Variants in GOLGA7B observed in about 807,000 individuals in gnomAD.
GOLGA7B encodes the protein golgin subfamily A member 7B.
GOLGA7B carries 17 observed loss-of-function variants against 21.5 expected under a neutral mutation model. The observed-to-expected ratio is 0.79, with a 90% CI of 0.54 to 1.19. The LOEUF is 1.19. Ranked by LOEUF, GOLGA7B falls within the 50% of genes most tolerant of loss-of-function variation. GOLGA7B has a pLI of 0.00. For missense variants in GOLGA7B, 169 were observed against 224.4 expected (o/e 0.75, Z 1.58); for synonymous variants, 87 against 84.0 (o/e 1.04, Z -0.19).
At chr10:97,863,083 C>T (rs951048193) in intron 2 of GOLGA7B, among the ~76,000 whole-genome samples, 41 of 152,134 alleles carry the variant, frequency 2.7e-4, no homozygotes, top group African/African-American at 8.9e-4. Flanking sequence ...AGCTCTTGAT[C>T]ACAGCTGTGA....
At chr10:97,857,344 T>C (rs1345515845) in intron 1 of GOLGA7B, among the ~76,000 whole-genome samples, 2 of 144,412 alleles carry the variant, frequency 1.4e-5, no homozygotes, top group South Asian at 2.2e-4. Context: ...CCTTTCCCCA[T>C]CCCATTTACA....
chr10:97,864,073 C>G lies in GOLGA7B; in HGVS notation c.282C>G (p.His94Gln). 6.2e-7 allele frequency: 1 copy of G among 1,614,008 alleles called. No individual in the cohort carries two copies. The highest frequency in any genetic ancestry group is 8.5e-7 in the Non-Finnish European group (1 of 1,179,872). Residue 94 changes from histidine (H) to glutamine (Q), a missense_variant, in exon 3 of 5, where the codon CAC (histidine) becomes CAG (glutamine). His to Gln is a conservative substitution (Grantham distance 24). Coordinates refer to ENST00000370602, the MANE Select transcript of GOLGA7B (RefSeq NM_001010917.3). Reference protein sequence around the residue: ...AYFIFLCMETHYEKVLKKISR... With the variant: ...AYFIFLCMETQYEKVLKKISR... ...TCATCTTCCTCTGCATGGAGACCCA[C>G]TATGAGAAGGTGGCCCCTCCCGCCC...
chr10:97,865,729 A>G lies in GOLGA7B; in HGVS notation c.*29A>G. ...GCCGAGAGTCCCTGTAGGGAGGTGT[A>G]TGGCCGGAGTGAGGGCCTTGCAGAC... On this transcript the variant is annotated 3_prime_UTR_variant, in exon 5 of 5. Transcript: ENST00000370602. The G allele has an allele frequency of 6.7e-7, 1 of 1,494,122 alleles. No homozygotes were observed. The allele number at this position is 1,494,122 out of a possible 1,614,324, so 92.6% of individuals were successfully genotyped here.
intron 3 of GOLGA7B, 32 bp downstream of exon 3, chr10:97,864,114 C>A (rs1564867103): frequency 4.3e-6 from 7 of 1,613,344 alleles, no homozygotes; most frequent in Non-Finnish European, 5.9e-6. Flanking sequence ...TGCATCCCTT[C>A]CCTCAGGGCT....
chr10:97,862,770 G>A (rs551246412), intron 2 of GOLGA7B, among the ~76,000 whole-genome samples: 5 of 152,292 alleles, frequency 3.3e-5, no homozygotes, highest in Non-Finnish European at 5.9e-5. Context: ...AGAAGAATAA[G>A]GGGAGGATGT....
At chr10:97,852,394 G>A (rs375512209) in intron 1 of GOLGA7B, among the ~76,000 whole-genome samples, 8 of 152,018 alleles carry the variant, frequency 5.3e-5, no homozygotes, top group African/African-American at 1.5e-4. Context: ...GGAAAGTCCC[G>A]GAGTGATGGG....
At chr10:97,855,581 A>G (rs575804146) in intron 1 of GOLGA7B, among the ~76,000 whole-genome samples, 3 of 152,182 alleles carry the variant, frequency 2.0e-5, no homozygotes, top group African/African-American at 7.2e-5. Context: ...TCCACTTCCC[A>G]CAAAACTGCT....
At chr10:97,850,415 G>T in intron 1 of GOLGA7B, 100 bp downstream of exon 1, 1 of 1,016,360 alleles carries the variant, frequency 9.8e-7, no homozygotes, top group Middle Eastern at 2.6e-4. Context: ...AGTTGGGGGT[G>T]GGATGGGGTG....
chr10:97,861,958 T>C (rs755989075), intron 2 of GOLGA7B, among the ~76,000 whole-genome samples: 17 of 152,232 alleles, frequency 1.1e-4, no homozygotes, highest in Non-Finnish European at 2.4e-4. Flanking sequence ...AGAGGTTTTG[T>C]CCTAGAGAGG....
intron 1 of GOLGA7B, among the ~76,000 whole-genome samples, chr10:97,854,155 C>T (rs1192207198): frequency 6.6e-6 from 1 of 152,186 alleles, no homozygotes; most frequent in Non-Finnish European, 1.5e-5. Context: ...AGCCCCAGGC[C>T]CCACCTGGCC....
chr10:97,864,480 A>G (rs1169008648), intron 4 of GOLGA7B, among the ~76,000 whole-genome samples: 1 of 152,166 alleles, frequency 6.6e-6, no homozygotes, highest in African/African-American at 2.4e-5. Context: ...GCTGCATGTA[A>G]TCAGTGCTTA....
chr10:97,860,222 A>G (rs1186436143), intron 2 of GOLGA7B, among the ~76,000 whole-genome samples: 2 of 152,348 alleles, frequency 1.3e-5, no homozygotes, highest in Admixed American at 6.5e-5. Context: ...TGTAATAATC[A>G]CATCAGGGTA....
At position 97,865,721 on chromosome 10, in the gene GOLGA7B, G is replaced by A. The variant is rs2050014198; in HGVS notation, c.*21G>A. 1 of 1,590,862 alleles carries A rather than the reference G, an allele frequency of 6.3e-7. No homozygotes were observed. Among genetic ancestry groups the A allele is most frequent in the Non-Finnish European group, 8.6e-7 (1 of 1,167,806 alleles). ...GGTGACTGGCCGAGAGTCCCTGTAGGGAGGTGTATGGCCGGAGTGAGGGCC... is the reference window on the plus strand; with the variant it reads ...GGTGACTGGCCGAGAGTCCCTGTAGAGAGGTGTATGGCCGGAGTGAGGGCC... On this transcript the variant is annotated 3_prime_UTR_variant, in exon 5 of 5. Coordinates refer to ENST00000370602, the MANE Select transcript of GOLGA7B (RefSeq NM_001010917.3).
rs775252392 is a variant in GOLGA7B at position 97,865,640 on chromosome 10, CGGCAGCAGCAGCGGCAGT to C, written c.459_476del (p.Ser154_Gly159del). Reference sequence around the variant, plus strand: ...GGTGCAGCAGTGGCAGCTCCAGCAGCGGCAGCAGCAGCGGCAGTGGCAGCAGCAGCGGTGGGGGTGGTG... The same window carrying C: ...GGTGCAGCAGTGGCAGCTCCAGCAGCGGCAGCAGCAGCGGTGGGGGTGGTG... On this transcript the variant is annotated inframe_deletion, in exon 5 of 5. Coordinates refer to ENST00000370602, the MANE Select transcript of GOLGA7B (RefSeq NM_001010917.3). 31 of 1,612,328 alleles carry C rather than the reference CGGCAGCAGCAGCGGCAGT, an allele frequency of 1.9e-5. No homozygotes were observed. The highest frequency in any genetic ancestry group is 9.9e-5 in the South Asian group (9 of 90,874).
rs181897987 is a variant in GOLGA7B at position 97,859,702 on chromosome 10, T to G, written c.138+119T>G. 138 of 1,010,758 alleles carry G rather than the reference T, an allele frequency of 1.4e-4. No homozygotes were observed. The Admixed American group carries it at 3.6e-3, about 26-fold the overall frequency. The allele number at this position is 1,010,758 out of a possible 1,614,324, so 62.6% of individuals were successfully genotyped here. On this transcript the variant is annotated intron_variant, in intron 2 of 4. Coordinates refer to ENST00000370602, the MANE Select transcript of GOLGA7B (RefSeq NM_001010917.3). ...AATATCATAGGACACGTAACATGTTTGGCCACTTCAAAAGGATGAATTTTA... is the reference window on the plus strand; with the variant it reads ...AATATCATAGGACACGTAACATGTTGGGCCACTTCAAAAGGATGAATTTTA...
chr10:97,865,394 G>T, intron 4 of GOLGA7B, 196 bp from the exon 5 acceptor site: 1 of 902,732 alleles, frequency 1.1e-6, no homozygotes, highest in Middle Eastern at 2.7e-4. Flanking sequence ...GGCCTTACGA[G>T]TCTCCCTAAT....
chr10:97,859,400 T>A (rs1268576425), intron 1 of GOLGA7B, 58 bp from the exon 2 acceptor site: 8 of 1,575,962 alleles, frequency 5.1e-6, no homozygotes, highest in Non-Finnish European at 6.1e-6. Context: ...CCCCTGCATT[T>A]GGGATATGCC....
chr10:97,863,980 C>T lies in GOLGA7B; in HGVS notation c.189C>T (p.Tyr63=), dbSNP rs201737444. 28 of 1,614,192 alleles carry T rather than the reference C, an allele frequency of 1.7e-5. No homozygotes were observed. The highest frequency in any genetic ancestry group is 9.3e-5 in the African/African-American group (7 of 75,068). The change falls in exon 3 of 5, where the codon TAC becomes TAT. Residue 63 remains tyrosine, a synonymous_variant. Transcript: ENST00000370602. ...EETVKTLNGF[Y]AEAEKIGGSS... is the part of the protein sequence containing the mutation. ...CTGTGAAGACCCTCAACGGATTTTA[C>T]GCAGAGGCTGAGAAGATTGGGGGCA... is the stretch of plus-strand genomic sequence containing the variant.
intron 1 of GOLGA7B, among the ~76,000 whole-genome samples, chr10:97,857,369 A>G (rs1282256817): frequency 6.9e-6 from 1 of 143,956 alleles, no homozygotes; most frequent in Non-Finnish European, 1.5e-5. Context: ...CCAGACACAC[A>G]CACACACACA....
Sources: allele counts gnomAD v4.1 joint callset (sites outside exome capture counted in the v4.1 genomes callset), GRCh38; gene constraint gnomAD v4.1.1; transcripts MANE v1.5; gene names NCBI Gene and HGNC (gene_info 2026-07-23, HGNC 2026-07-21).